Variants in PCNT observed in about 807,000 individuals in gnomAD.
The protein encoded by PCNT is pericentrin.
PCNT carries 319 observed loss-of-function variants against 380.4 expected under a neutral mutation model. That is an observed-to-expected ratio of 0.84 (90% confidence interval 0.77 to 0.92). The LOEUF (loss-of-function observed/expected upper bound fraction) is 0.92, where lower values mean the gene tolerates loss of function less well. Among genes scored for constraint, PCNT ranks in the 40% least tolerant of loss-of-function variants. The probability of loss-of-function intolerance (pLI) is 0.00; values close to 1 mark genes in which losing one functional copy is unlikely to be tolerated. For missense variants in PCNT, 4,400 were observed against 4,255.3 expected (o/e 1.03, Z -0.95); for synonymous variants, 1,845 against 1,735.2 (o/e 1.06, Z -1.57).
intron 3 of PCNT, among the ~76,000 whole-genome samples, chr21:46,343,093 A>C (rs1267073267): frequency 6.6e-6 from 1 of 152,014 alleles, no homozygotes; most frequent in Non-Finnish European, 1.5e-5. Context: ...TTTGTAGGTA[A>C]ACGATCCTGT....
At chr21:46,352,698 A>T (rs564377211) in intron 9 of PCNT, among the ~76,000 whole-genome samples, 1 of 152,350 alleles carries the variant, frequency 6.6e-6, no homozygotes, top group African/African-American at 2.4e-5. Context: ...AAGATGGTAC[A>T]GCTGGGTTTT....
At chr21:46,399,056 T>C (rs1248757235) in intron 24 of PCNT, among the ~76,000 whole-genome samples, 1 of 152,072 alleles carries the variant, frequency 6.6e-6, no homozygotes, top group Non-Finnish European at 1.5e-5. Flanking sequence ...CCTGACCTCG[T>C]GATCTGCCTG....
chr21:46,347,145 TGA>T lies in PCNT; in HGVS notation c.976+151_976+152del, dbSNP rs891283707. The T allele has an allele frequency of 8.5e-6, 9 of 1,060,900 alleles. No homozygotes were observed. The African/African-American group carries it at 1.1e-4, about 13-fold the overall frequency. The allele number at this position is 1,060,900 out of a possible 1,614,324, so 65.7% of individuals were successfully genotyped here. On this transcript the variant is annotated intron_variant, in intron 5 of 46. Transcript: ENST00000359568. ...GCACCTTGCCTGGTGTCTGGCACCATGAGAGGGGTGAACAAAGGGGGCCCTTG... is the reference window on the plus strand; with the variant it reads ...GCACCTTGCCTGGTGTCTGGCACCATGAGGGGTGAACAAAGGGGGCCCTTG...
At chr21:46,336,383 T>C (rs1477988450) in intron 3 of PCNT, among the ~76,000 whole-genome samples, 1 of 152,330 alleles carries the variant, frequency 6.6e-6, no homozygotes, top group East Asian at 1.9e-4. Context: ...CATTTATTTA[T>C]TGACTTCTTG....
intron 3 of PCNT, among the ~76,000 whole-genome samples, chr21:46,344,199 G>A (rs1314019380): frequency 2.6e-5 from 4 of 151,408 alleles, no homozygotes; most frequent in African/African-American, 7.3e-5. Flanking sequence ...TCAGCCTCCC[G>A]AGTAGCTGGG....
intron 38 of PCNT, among the ~76,000 whole-genome samples, chr21:46,435,217 T>G (rs1247442293): frequency 6.6e-6 from 1 of 152,070 alleles, no homozygotes; most frequent in Non-Finnish European, 1.5e-5. Flanking sequence ...AGTTGTTGTT[T>G]TTTTTGTTTT....
chr21:46,385,556 C>T (rs1229465721), intron 16 of PCNT, among the ~76,000 whole-genome samples: 1 of 152,200 alleles, frequency 6.6e-6, no homozygotes, highest in Non-Finnish European at 1.5e-5. Context: ...CAATAATTTT[C>T]ACCTTTAATC....
chr21:46,384,799 A>C (rs1048369455), intron 16 of PCNT, among the ~76,000 whole-genome samples: 1 of 150,634 alleles, frequency 6.6e-6, no homozygotes, highest in Non-Finnish European at 1.5e-5. Context: ...AAGTGCATTC[A>C]TGGTGTTGTG....
intron 3 of PCNT, among the ~76,000 whole-genome samples, chr21:46,335,691 T>G (rs1490553928): frequency 2.7e-5 from 4 of 145,822 alleles, no homozygotes; most frequent in Non-Finnish European, 4.6e-5. Flanking sequence ...TTTTTGGGGT[T>G]TTTTTTTTTT....
rs929603326 is a variant in PCNT at position 46,390,851 on chromosome 21, C to CGG, written c.4003+22_4003+23dup. 1 of 1,602,698 alleles carries CGG rather than the reference C, an allele frequency of 6.2e-7. No individual in the cohort carries two copies. The highest frequency in any genetic ancestry group is 1.3e-5 in the African/African-American group (1 of 74,716). On this transcript the variant is annotated intron_variant, in intron 20 of 46. Coordinates refer to ENST00000359568, the MANE Select transcript of PCNT (RefSeq NM_006031.6). ...ACTCAGGGTGAGCAGCATGAGGCCTCGGGGCACCTGGAGCACAGGCACGGG... is the reference window on the plus strand; with the variant it reads ...ACTCAGGGTGAGCAGCATGAGGCCTCGGGGGGCACCTGGAGCACAGGCACGGG...
intron 28 of PCNT, 137 bp downstream of exon 28, chr21:46,412,204 G>A (rs2086812017): frequency 9.5e-7 from 1 of 1,056,886 alleles, no homozygotes; most frequent in Non-Finnish European, 1.4e-6. Context: ...GGAGAAAGGG[G>A]GCCTGAAGCT....
intron 11 of PCNT, among the ~76,000 whole-genome samples, chr21:46,354,471 C>A (rs2084400647): frequency 6.6e-6 from 1 of 152,206 alleles, no homozygotes; most frequent in African/African-American, 2.4e-5. Flanking sequence ...ACTTCTGTCA[C>A]CTTTAACTTC....
At chr21:46,330,068 T>G (rs1337610049) in intron 2 of PCNT, among the ~76,000 whole-genome samples, 1 of 152,182 alleles carries the variant, frequency 6.6e-6, no homozygotes, top group South Asian at 2.1e-4. Flanking sequence ...TTTAATAAGC[T>G]AAACATGCAG....
At position 46,416,091 on chromosome 21, in the gene PCNT, A is replaced by G. The variant is rs752586882; in HGVS notation, c.6173A>G (p.Asp2058Gly). 6.8e-6 allele frequency: 11 copies of G among 1,614,016 alleles called. No homozygotes were observed. The highest frequency in any genetic ancestry group is 3.3e-5 in the Admixed American group (2 of 60,006). The change falls in exon 30 of 47, where the codon GAT (aspartate) becomes GGT (glycine). Residue 2058 changes from aspartate (D) to glycine (G), a missense_variant. By Grantham distance (94) the Asp-to-Gly change is moderately conservative. Coordinates refer to ENST00000359568, the MANE Select transcript of PCNT (RefSeq NM_006031.6). Reference sequence around the variant, plus strand: ...CAGGGTAAAGAAAAAGTACTGGAAGATTGTCAGCTGCCGAAGGTCGATCTC... The same window carrying G: ...CAGGGTAAAGAAAAAGTACTGGAAGGTTGTCAGCTGCCGAAGGTCGATCTC... ...GGKGKEKVLE[D>G]CQLPKVDLVA... is the part of the protein sequence containing the mutation.
In PCNT at chr21:46,347,786, C is replaced by A. The variant is rs11910459; in HGVS notation, c.1032+274C>A. Among the ~76,000 whole-genome samples, 7,827 of 152,284 alleles carry A rather than the reference C, an allele frequency of 0.051. 427 individuals carry two copies. Among genetic ancestry groups the A allele is most frequent in the African/African-American group, 0.14 (5,802 of 41,532 alleles). ...TTCTGAGTGGCCCCCATGGCCTGCC[C>A]CTGAGCTGTGTTCTGGGACACAGCC... On this transcript the variant is annotated intron_variant, in intron 6 of 46. Coordinates refer to ENST00000359568, the MANE Select transcript of PCNT (RefSeq NM_006031.6).
intron 2 of PCNT, among the ~76,000 whole-genome samples, chr21:46,327,784 C>T (rs75240063): frequency 0.081 from 12,341 of 152,200 alleles, 633 homozygotes; most frequent in Middle Eastern, 0.12. Context: ...TTTTACTAAA[C>T]GTGAGATGAA....
chr21:46,372,397 C>T (rs1006990620), intron 15 of PCNT, among the ~76,000 whole-genome samples: 2 of 151,946 alleles, frequency 1.3e-5, no homozygotes, highest in Admixed American at 6.5e-5. Flanking sequence ...ACACGCAGCA[C>T]ATGCACACAT....
chr21:46,349,283 G>A (rs976741234), intron 7 of PCNT, 97 bp downstream of exon 7: 19 of 1,022,682 alleles, frequency 1.9e-5, no homozygotes, highest in Admixed American at 1.7e-4. Context: ...CATTGCGCAC[G>A]TTTCCTACCT....
At position 46,411,300 on chromosome 21, in the gene PCNT, C is replaced by T; in HGVS notation, c.5227C>T (p.His1743Tyr). 4 of 1,614,186 alleles carry T rather than the reference C, an allele frequency of 2.5e-6. No homozygotes were observed. Among genetic ancestry groups the T allele is most frequent in the Non-Finnish European group, 3.4e-6 (4 of 1,180,008 alleles). The part of the protein sequence containing the change: ...KEKAEEIEQL[H>Y]EVIEKLQHEL... ...GAAAGCAGAGGAAATTGAACAACTC[C>T]ATGAAGTCATTGAGAAGCTGCAGCA... Residue 1743 changes from histidine to tyrosine, a missense_variant, in exon 28 of 47, where the codon CAT (histidine) becomes TAT (tyrosine). His to Tyr is a moderately conservative substitution (Grantham distance 83). Transcript: ENST00000359568.
Sources: allele counts gnomAD v4.1 joint callset (sites outside exome capture counted in the v4.1 genomes callset), GRCh38; gene constraint gnomAD v4.1.1; transcripts MANE v1.5; gene names NCBI Gene and HGNC (gene_info 2026-07-23, HGNC 2026-07-21).